KDM4C: variants seen among roughly 807,000 people sequenced by gnomAD.
KDM4C encodes lysine demethylase 4C.
A neutral mutation model predicts 129.3 loss-of-function variants in KDM4C; 81 were observed. That is an observed-to-expected ratio of 0.63 (90% CI 0.52 to 0.75). KDM4C has a LOEUF of 0.75. KDM4C is among the 30% of genes least tolerant of loss of function. The pLI, the probability that KDM4C is intolerant of heterozygous loss-of-function variation, is 0.00. For missense variants in KDM4C, 1,457 were observed against 1,304.0 expected (o/e 1.12, Z -1.81); for synonymous variants, 573 against 456.1 (o/e 1.26, Z -3.26).
chr9:6,827,586 C>G (rs929913355), intron 4 of KDM4C, among the ~76,000 whole-genome samples: 4 of 152,198 alleles, frequency 2.6e-5, no homozygotes, highest in African/African-American at 9.7e-5. Context: ...CTGTGGGTTT[C>G]CAAATGAGGT....
chr9:6,789,453 C>T (rs891979710), intron 1 of KDM4C, among the ~76,000 whole-genome samples: 5 of 152,088 alleles, frequency 3.3e-5, no homozygotes, highest in African/African-American at 1.2e-4. Context: ...CTCCTGACCT[C>T]AGGTGATCCA....
chr9:7,087,102 T>TTC (rs397686985), intron 17 of KDM4C, among the ~76,000 whole-genome samples: 19 of 151,518 alleles, frequency 1.3e-4, no homozygotes, highest in African/African-American at 4.1e-4. Flanking sequence ...TTTTTTTTTT[T>TTC]CACTTTTGAC....
chr9:7,033,010 T>C (rs1489162589), intron 15 of KDM4C, among the ~76,000 whole-genome samples: 1 of 152,176 alleles, frequency 6.6e-6, no homozygotes, highest in African/African-American at 2.4e-5. Context: ...GACAACAGCA[T>C]TGGCATTTTT....
intron 12 of KDM4C, among the ~76,000 whole-genome samples, chr9:7,003,197 A>G (rs1821050296): frequency 6.6e-6 from 1 of 152,182 alleles, no homozygotes; most frequent in Non-Finnish European, 1.5e-5. Flanking sequence ...CTCCCAAAAT[A>G]GCTAGAATAC....
chr9:6,989,767 A>G (rs1156753594), intron 11 of KDM4C, among the ~76,000 whole-genome samples: 7 of 151,972 alleles, frequency 4.6e-5, no homozygotes, highest in African/African-American at 1.7e-4. Context: ...TGAGAATGCA[A>G]TCTTAGATTT....
In KDM4C at chr9:6,758,485, G is replaced by A. The variant is rs1028356545; in HGVS notation, c.-18+282G>A. ...GCCGTTTTCCCGGGATCCGGAGTCG[G>A]GGTCGCCTCCTTGGGGCAGAGGAGC... On this transcript the variant is annotated intron_variant, in intron 1 of 21. Transcript: ENST00000381309. This position sits in a 1 kb window ranked among gnomAD's most constrained non-coding sequence, Gnocchi z 4.6. Among the ~76,000 whole-genome samples, 18 of 152,242 alleles carry A rather than the reference G, an allele frequency of 1.2e-4. No homozygotes were observed. The highest frequency in any genetic ancestry group is 2.9e-5 in the Non-Finnish European group (2 of 68,040).
chr9:6,912,525 G>A (rs1819515297), intron 8 of KDM4C, among the ~76,000 whole-genome samples: 1 of 152,136 alleles, frequency 6.6e-6, no homozygotes, highest in Non-Finnish European at 1.5e-5. Context: ...GATAAAAACA[G>A]AAATGATCAT....
At chr9:6,969,232 G>A (rs113301888) in intron 8 of KDM4C, among the ~76,000 whole-genome samples, 8,110 of 152,172 alleles carry the variant, frequency 0.053, 486 homozygotes, top group African/African-American at 0.14. Context: ...CACCGTGCTC[G>A]GCCTGGGTTG....
At position 7,128,111 on chromosome 9, in the gene KDM4C, A is replaced by C; in HGVS notation, c.2656A>C (p.Ile886Leu). 1 of 1,610,430 alleles carries C rather than the reference A, an allele frequency of 6.2e-7. No individual in the cohort carries two copies. Among genetic ancestry groups the C allele is most frequent in the Non-Finnish European group, 8.5e-7 (1 of 1,178,564 alleles). ...GGTCATTTCCGTGGGTCAAACGGTCATCACGAAGCATCGGAACACCCGGTA... is the reference window on the plus strand; with the variant it reads ...GGTCATTTCCGTGGGTCAAACGGTCCTCACGAAGCATCGGAACACCCGGTA... Reference protein sequence around the residue: ...EKVISVGQTVITKHRNTRYYS... With the variant: ...EKVISVGQTVLTKHRNTRYYS... The change falls in exon 19 of 22, where the codon ATC (isoleucine) becomes CTC (leucine). Residue 886 changes from isoleucine (I) to leucine (L), a missense_variant. By Grantham distance (5) the Ile-to-Leu change is conservative (BLOSUM62 2). Coordinates refer to ENST00000381309, the MANE Select transcript of KDM4C (RefSeq NM_015061.6).
At chr9:7,065,889 A>G (rs1263982986) in intron 17 of KDM4C, among the ~76,000 whole-genome samples, 1 of 152,166 alleles carries the variant, frequency 6.6e-6, no homozygotes, top group Admixed American at 6.5e-5. Context: ...TTGAAAAAGC[A>G]AAAGACAAAA....
At chr9:6,851,070 A>G in intron 5 of KDM4C, among the ~76,000 whole-genome samples, 1 of 152,140 alleles carries the variant, frequency 6.6e-6, no homozygotes, top group East Asian at 1.9e-4. Context: ...AAACTTTTTA[A>G]TAGGTGGTCT....
intron 1 of KDM4C, among the ~76,000 whole-genome samples, chr9:6,790,210 T>C (rs1234242798): frequency 1.3e-5 from 2 of 151,252 alleles, no homozygotes; most frequent in Non-Finnish European, 3.0e-5. Flanking sequence ...GGCCAAACTT[T>C]CTTTAAACAA....
chr9:7,093,313 C>T (rs866740026), intron 17 of KDM4C, among the ~76,000 whole-genome samples: 1 of 151,954 alleles, frequency 6.6e-6, no homozygotes, highest in Non-Finnish European at 1.5e-5. Context: ...AACAATACGA[C>T]GAATAAAATA....
At chr9:6,979,313 T>C (rs1219690804) in intron 8 of KDM4C, among the ~76,000 whole-genome samples, 2 of 152,156 alleles carry the variant, frequency 1.3e-5, no homozygotes, top group South Asian at 2.1e-4. Flanking sequence ...AGATAAATAG[T>C]ATTAGGTTCA....
At chr9:6,736,221 C>A (rs909565961) in intron 1 of KDM4C, among the ~76,000 whole-genome samples, 1 of 152,160 alleles carries the variant, frequency 6.6e-6, no homozygotes, top group African/African-American at 2.4e-5. Flanking sequence ...TGGAAAATTG[C>A]AACCTGACAA....
At position 7,174,571 on chromosome 9, in the gene KDM4C, C is replaced by A. The variant is rs544828562; in HGVS notation, c.3013C>A (p.Arg1005=). The A allele has an allele frequency of 1.4e-5, 22 of 1,614,030 alleles. No individual in the cohort carries two copies. In the East Asian group the frequency reaches 3.3e-4, roughly 25 times the overall value. The change falls in exon 22 of 22, where the codon CGA becomes AGA. Residue 1005 remains arginine (R), a synonymous_variant. Transcript: ENST00000381309. ...KARFSTASDM[R]FEDTFYGADI... ...CTTTTAGTCCACAGCCTCTGACATGCGATTTGAAGACACGTTTTATGGAGC... is the reference window on the plus strand; with the variant it reads ...CTTTTAGTCCACAGCCTCTGACATGAGATTTGAAGACACGTTTTATGGAGC...
chr9:6,965,283 A>G (rs1830750101), intron 8 of KDM4C, among the ~76,000 whole-genome samples: 1 of 151,372 alleles, frequency 6.6e-6, no homozygotes, highest in Admixed American at 6.6e-5. Flanking sequence ...TATGTTCTCT[A>G]ATACATGATA....
intron 17 of KDM4C, among the ~76,000 whole-genome samples, chr9:7,072,329 T>C (rs552470005): frequency 6.6e-6 from 1 of 152,340 alleles, no homozygotes; most frequent in East Asian, 1.9e-4. Context: ...AATGAAAATT[T>C]ATGTTTACAT....
rs556131800 is a variant in KDM4C, at chr9:6,881,871, T to C, written c.679+1810T>C. Among the ~76,000 whole-genome samples the C allele has an allele frequency of 1.6e-4, 24 of 152,194 alleles. 1 individual carries two copies. The highest frequency in any genetic ancestry group is 5.5e-4 in the African/African-American group (23 of 41,454). ...GAATTCTGCTAAATAATTAAAATGA[T>C]AAAATAATGCAGTGCGAATGATGGA... On this transcript the variant is annotated intron_variant, in intron 6 of 21. Coordinates refer to ENST00000381309, the MANE Select transcript of KDM4C (RefSeq NM_015061.6).
Sources: gnomAD v4.1 joint callset for allele counts (sites outside exome capture counted in the v4.1 genomes callset) on GRCh38, gnomAD v4.1.1 for gene constraint, Gnocchi (gnomAD v3.1) non-coding constraint, MANE v1.5 for transcripts, NCBI Gene and HGNC (gene_info 2026-07-23, HGNC 2026-07-21) for gene names.